Variants in ABCA8 observed in about 807,000 individuals in gnomAD.
ABCA8 encodes the protein ABC-type organic anion transporter ABCA8.
ABCA8 carries 177 observed loss-of-function variants against 192.3 expected under a neutral mutation model. That is an observed-to-expected ratio of 0.92 (90% CI 0.81 to 1.04). ABCA8 has a LOEUF of 1.04. Ranked by LOEUF, ABCA8 falls within the 50% of genes least tolerant of loss-of-function variation. ABCA8 has a pLI of 0.00. For missense variants in ABCA8, 1,915 were observed against 1,904.8 expected (o/e 1.01, Z -0.10); for synonymous variants, 642 against 690.2 (o/e 0.93, Z 1.09).
In ABCA8 at chr17:68,867,978, A is replaced by T; in HGVS notation, c.*107T>A. ...TCCTCCTCCCACCACACGGAGAACCATTTCTGTACTTATAATATAGTTTCT... is the reference window on the plus strand; with the variant it reads ...TCCTCCTCCCACCACACGGAGAACCTTTTCTGTACTTATAATATAGTTTCT... On this transcript the variant is annotated 3_prime_UTR_variant, in exon 40 of 40. Transcript: ENST00000586539. The T allele has an allele frequency of 7.9e-6, 7 of 883,158 alleles. No homozygotes were observed. Among genetic ancestry groups the T allele is most frequent in the Non-Finnish European group, 1.2e-5 (7 of 586,214 alleles). The allele number at this position is 883,158 out of a possible 1,614,324, so 54.7% of individuals were successfully genotyped here.
chr17:68,921,275 C>T, intron 13 of ABCA8, 107 bp downstream of exon 13: 2 of 601,814 alleles, frequency 3.3e-6, no homozygotes, highest in Non-Finnish European at 5.5e-6. Flanking sequence ...GGGTGCAGCA[C>T]ACCAACATGG....
intron 19 of ABCA8, 91 bp from the exon 20 acceptor site, chr17:68,903,590 C>T (rs2066973209): frequency 3.4e-6 from 4 of 1,184,232 alleles, no homozygotes; most frequent in South Asian, 2.8e-5. Flanking sequence ...TAGACTCTTC[C>T]GCGTTACTAT....
rs759049261 is a variant in ABCA8, at chr17:68,891,549, C to T, written c.3084G>A (p.Trp1028Ter). Residue 1028 changes from tryptophan (W) to a stop codon, truncating the protein, a stop_gained, in exon 24 of 40, where the codon TGG becomes TGA. Coordinates refer to ENST00000586539, the MANE Select transcript of ABCA8 (RefSeq NM_001288985.2). LOFTEE classifies it high-confidence loss of function. ...PIGFLAYIMF[W>*]LVLTSSCPPY... Reference sequence around the variant, plus strand: ...GTGGGCAACTCGATGTTAAAACCAGCCAGAACATGATATATGCCAGGAATC... The same window carrying T: ...GTGGGCAACTCGATGTTAAAACCAGTCAGAACATGATATATGCCAGGAATC... 8 of 1,612,980 alleles carry T rather than the reference C, an allele frequency of 5.0e-6. No homozygotes were observed. Among genetic ancestry groups the T allele is most frequent in the South Asian group, 1.1e-5 (1 of 91,050 alleles).
intron 32 of ABCA8, 91 bp downstream of exon 32, chr17:68,881,029 G>A: frequency 1.2e-6 from 1 of 867,214 alleles, no homozygotes; most frequent in East Asian, 2.5e-5. Context: ...AGTTATATAA[G>A]GATTAAGTGG....
In ABCA8 at chr17:68,902,878, G is replaced by T. The variant is rs1341641342; in HGVS notation, c.2599C>A (p.Leu867Ile). 4 of 1,606,708 alleles carry T rather than the reference G, an allele frequency of 2.5e-6. No individual in the cohort carries two copies. The Admixed American group carries it at 6.8e-5, about 27-fold the overall frequency. ...KHERKALLAL[L>I]LILMAGFCPL... ...CAAAATCCAGCCATTAGAATTAATA[G>T]CCTACACAAAAGAAAATTGCCAAAA... is the stretch of plus-strand genomic sequence containing the variant. The change falls in exon 21 of 40, where the codon CTA (leucine) becomes ATA (isoleucine). Residue 867 changes from leucine (L) to isoleucine (I), a missense_variant and splice_region_variant. Transcript: ENST00000586539.
At chr17:68,922,856 C>T (rs1370041863) in intron 11 of ABCA8, among the ~76,000 whole-genome samples, 4 of 152,154 alleles carry the variant, frequency 2.6e-5, no homozygotes, top group Non-Finnish European at 4.4e-5. Context: ...CCTTAACCAA[C>T]GTACTTATTC....
At chr17:68,929,737 A>T (rs1253773576) in intron 7 of ABCA8, 35 bp from the exon 8 acceptor site, 3 of 1,560,478 alleles carry the variant, frequency 1.9e-6, no homozygotes, top group Non-Finnish European at 8.7e-7. Context: ...TTAGTATTTT[A>T]TGTTCACTTG....
intron 22 of ABCA8, 73 bp from the exon 23 acceptor site, chr17:68,894,383 A>G: frequency 1.5e-6 from 2 of 1,336,546 alleles, no homozygotes; most frequent in Non-Finnish European, 2.0e-6. Context: ...AAAATTTGAC[A>G]TGTTAAATTA....
At chr17:68,880,779 T>A in intron 32 of ABCA8, 1 of 323,246 alleles carries the variant, frequency 3.1e-6, no homozygotes, top group Middle Eastern at 1.1e-3. Context: ...TGGCTCATTC[T>A]TGGCAGGCTT....
intron 3 of ABCA8, among the ~76,000 whole-genome samples, chr17:68,941,252 G>A (rs1213348605): frequency 6.6e-6 from 1 of 152,044 alleles, no homozygotes; most frequent in Non-Finnish European, 1.5e-5. Flanking sequence ...TAGTATCGGA[G>A]GGATAGTATC....
intron 2 of ABCA8, chr17:68,944,536 G>A (rs2068342349): frequency 6.6e-6 from 1 of 151,032 alleles, no homozygotes; most frequent in Non-Finnish European, 1.5e-5. Flanking sequence ...TCTTGGGGAG[G>A]AGTTAAAGCA....
chr17:68,878,229 G>T (rs1445327090), intron 32 of ABCA8: 1 of 152,290 alleles, frequency 6.6e-6, no homozygotes, highest in Non-Finnish European at 1.5e-5. Flanking sequence ...GAATAACTGG[G>T]GAAGTGGCAG....
At position 68,909,786 on chromosome 17, in the gene ABCA8, G is replaced by A. The variant is rs115596877; in HGVS notation, c.2139-1907C>T. ...ACTTTCTAGGACTTAAACAAGTGCAGATGAGTTAAGGAAACTGTCATCCTA... is the reference window on the plus strand; with the variant it reads ...ACTTTCTAGGACTTAAACAAGTGCAAATGAGTTAAGGAAACTGTCATCCTA... On this transcript the variant is annotated intron_variant, in intron 17 of 39. Transcript: ENST00000586539. 3.5e-3 allele frequency among the ~76,000 whole-genome samples: 537 copies of A among 152,220 alleles called. 6 individuals are homozygous for A. Among genetic ancestry groups the A allele is most frequent in the African/African-American group, 0.013 (527 of 41,536 alleles).
chr17:68,929,454 GCAAA>G (rs1221520682), intron 8 of ABCA8, 103 bp downstream of exon 8: 1 of 1,317,758 alleles, frequency 7.6e-7, no homozygotes, highest in African/African-American at 1.5e-5. Context: ...TTTTTCACAT[GCAAA>G]CAGAGTAGGT....
Position 68,884,372 on chromosome 17 carries a change from C to T in ABCA8, c.3574G>A (p.Glu1192Lys), listed in dbSNP as rs758743607. Reference sequence around the variant, plus strand: ...AATGGCTGTACATCCATTCGTTCTTCAGAAAAGAGAGAAGAAAAGAGAAGC... The same window carrying T: ...AATGGCTGTACATCCATTCGTTCTTTAGAAAAGAGAGAAGAAAAGAGAAGC... The part of the protein sequence containing the change: ...SHLLFSSLFS[E>K]ERMDVQPFLV... The change falls in exon 28 of 40, where the codon GAA becomes AAA. Residue 1192 changes from glutamate (E) to lysine (K), a missense_variant. By Grantham distance (56) the Glu-to-Lys change is moderately conservative. Coordinates refer to ENST00000586539, the MANE Select transcript of ABCA8 (RefSeq NM_001288985.2). 4.4e-6 allele frequency: 7 copies of T among 1,590,134 alleles called. No homozygotes were observed. Among genetic ancestry groups the T allele is most frequent in the Non-Finnish European group, 6.0e-6 (7 of 1,171,672 alleles).
rs1365984089 is a variant in ABCA8, at chr17:68,907,818, G to C, written c.2200C>G (p.Pro734Ala). 1 of 1,609,754 alleles carries C rather than the reference G, an allele frequency of 6.2e-7. No individual in the cohort carries two copies. Among genetic ancestry groups the C allele is most frequent in the Non-Finnish European group, 8.5e-7 (1 of 1,178,214 alleles). ...NITSLVKQHI[P>A]DAKLSAKSEG... ...CTTTTGGCTGATAATTTGGCATCAG[G>C]GATGTGCTGTTTAACAAGTGATGTT... is the stretch of plus-strand genomic sequence containing the variant. Residue 734 changes from proline (P) to alanine (A), a missense_variant, in exon 18 of 40, where the codon CCT (proline) becomes GCT (alanine). Coordinates refer to ENST00000586539, the MANE Select transcript of ABCA8 (RefSeq NM_001288985.2).
intron 37 of ABCA8, among the ~76,000 whole-genome samples, chr17:68,873,058 C>G (rs1479165921): frequency 6.6e-6 from 1 of 152,122 alleles, no homozygotes; most frequent in African/African-American, 2.4e-5. Flanking sequence ...CAGTAATGTC[C>G]CAGGCCTTCG....
At chr17:68,934,333 GTA>G (rs2067993835) in intron 5 of ABCA8, among the ~76,000 whole-genome samples, 1 of 151,868 alleles carries the variant, frequency 6.6e-6, no homozygotes, top group South Asian at 2.1e-4. Flanking sequence ...ATAAAAATCT[GTA>G]TATATGTCTT....
In ABCA8 at chr17:68,867,934, C is replaced by G; in HGVS notation, c.*151G>C. On this transcript the variant is annotated 3_prime_UTR_variant, in exon 40 of 40. Transcript: ENST00000586539. ...TGCCTCTGTCCACACTGACATGGCACTTACCCAGCACCCGAACCTCCTCCT... is the reference window on the plus strand; with the variant it reads ...TGCCTCTGTCCACACTGACATGGCAGTTACCCAGCACCCGAACCTCCTCCT... The G allele has an allele frequency of 1.6e-6, 1 of 640,270 alleles. No homozygotes were observed. The allele number at this position is 640,270 out of a possible 1,614,324, so 39.7% of individuals were successfully genotyped here. A position where few individuals can be genotyped will look rare whatever the true frequency, so the allele number is the denominator to read the frequency against.
Sources: gnomAD v4.1 joint callset for allele counts (sites outside exome capture counted in the v4.1 genomes callset) on GRCh38, gnomAD v4.1.1 for gene constraint, MANE v1.5 for transcripts, NCBI Gene and HGNC (gene_info 2026-07-23, HGNC 2026-07-21) for gene names.